The following KIF16B variants were observed in gnomAD, a reference collection of about 807,000 sequenced individuals.
KIF16B encodes kinesin-like protein KIF16B.
In KIF16B, 98 loss-of-function variants were observed where a neutral mutation model predicts 156.3. The ratio of observed to expected loss-of-function variants is 0.63; its 90% confidence interval spans 0.53 to 0.74. The LOEUF is 0.74. Ranked by LOEUF, KIF16B falls within the 30% of genes least tolerant of loss-of-function variation. KIF16B has a pLI of 0.00. For missense variants in KIF16B, 1,421 were observed against 1,606.5 expected (o/e 0.88, Z 1.97); for synonymous variants, 564 against 583.7 (o/e 0.97, Z 0.49).
chr20:16,435,172 T>C (rs962124294), intron 12 of KIF16B, among the ~76,000 whole-genome samples: 5 of 152,202 alleles, frequency 3.3e-5, no homozygotes, highest in Non-Finnish European at 1.5e-5. Context: ...ACAGTGCATA[T>C]ACATTTTTCA....
chr20:16,458,801 C>T (rs1255295608), intron 12 of KIF16B, among the ~76,000 whole-genome samples: 1 of 151,842 alleles, frequency 6.6e-6, no homozygotes, highest in African/African-American at 2.4e-5. Context: ...CACACCACTC[C>T]CCATTAGCCA....
chr20:16,532,098 C>T (rs1326021133), intron 1 of KIF16B, among the ~76,000 whole-genome samples: 4 of 149,976 alleles, frequency 2.7e-5, no homozygotes, highest in Admixed American at 6.6e-5. Flanking sequence ...TTATAACTTA[C>T]GTAGGGAAAT....
intron 25 of KIF16B, among the ~76,000 whole-genome samples, chr20:16,307,302 A>C (rs2063555116): frequency 1.3e-5 from 2 of 152,222 alleles, no homozygotes; most frequent in African/African-American, 4.8e-5. Flanking sequence ...TCTGAAATTA[A>C]TAACCCAAAA....
At chr20:16,341,645 C>T (rs1197238953) in intron 23 of KIF16B, among the ~76,000 whole-genome samples, 3 of 152,238 alleles carry the variant, frequency 2.0e-5, no homozygotes, top group Non-Finnish European at 4.4e-5. Flanking sequence ...TGGTTAGCAG[C>T]ATCAGCTGCA....
chr20:16,301,288 A>G (rs187119970), intron 25 of KIF16B, among the ~76,000 whole-genome samples: 1 of 152,234 alleles, frequency 6.6e-6, no homozygotes, highest in African/African-American at 2.4e-5. Context: ...GATTAACACT[A>G]CTATAAACAT....
chr20:16,418,510 G>A (rs1247703105), intron 15 of KIF16B, among the ~76,000 whole-genome samples: 2 of 152,148 alleles, frequency 1.3e-5, no homozygotes, highest in African/African-American at 2.4e-5. Context: ...TTTCACTGCT[G>A]ACTTCAACCA....
intron 25 of KIF16B, among the ~76,000 whole-genome samples, chr20:16,296,534 T>C (rs1279451617): frequency 6.6e-6 from 1 of 152,186 alleles, no homozygotes; most frequent in African/African-American, 2.4e-5. Context: ...GCTATTTCCA[T>C]AGACAGGAAA....
At chr20:16,418,171 G>GA (rs1207845397) in intron 15 of KIF16B, among the ~76,000 whole-genome samples, 2 of 151,558 alleles carry the variant, frequency 1.3e-5, no homozygotes, top group African/African-American at 2.4e-5. Flanking sequence ...TGTGATGAGT[G>GA]AAAAAAAGAG....
At position 16,314,792 on chromosome 20, in the gene KIF16B, C is replaced by T. The variant is rs117307966; in HGVS notation, c.3712-2374G>A. Reference sequence around the variant, plus strand: ...GGCCTCTCTGCATCCACTGGGAAGCCGTAGTGACATGGCTTCAAGGAGCAA... The same window carrying T: ...GGCCTCTCTGCATCCACTGGGAAGCTGTAGTGACATGGCTTCAAGGAGCAA... On this transcript the variant is annotated intron_variant, in intron 24 of 25. Transcript: ENST00000354981. Among the ~76,000 whole-genome samples, 1,483 of 152,236 alleles carry T rather than the reference C, an allele frequency of 9.7e-3. 5 individuals carry two copies. The highest frequency in any genetic ancestry group is 0.014 in the Non-Finnish European group (936 of 68,030).
chr20:16,361,487 C>T (rs1482486772), intron 22 of KIF16B, among the ~76,000 whole-genome samples: 3 of 152,168 alleles, frequency 2.0e-5, no homozygotes, highest in South Asian at 4.1e-4. Flanking sequence ...ACACTGTCTT[C>T]GAAGGCTTGG....
intron 1 of KIF16B, among the ~76,000 whole-genome samples, chr20:16,565,041 G>A (rs989566474): frequency 2.7e-5 from 4 of 145,966 alleles, no homozygotes; most frequent in Non-Finnish European, 5.9e-5. Flanking sequence ...CTGGCTGTCA[G>A]TAACCATAGT....
chr20:16,521,149 A>G (rs575198853), intron 3 of KIF16B, among the ~76,000 whole-genome samples: 6 of 152,200 alleles, frequency 3.9e-5, no homozygotes, highest in African/African-American at 1.4e-4. Flanking sequence ...CAAGGGAACA[A>G]AACTGGACAG....
chr20:16,285,776 C>T (rs1466170046), intron 25 of KIF16B, among the ~76,000 whole-genome samples: 1 of 152,150 alleles, frequency 6.6e-6, no homozygotes, highest in Non-Finnish European at 1.5e-5. Context: ...CATGATCATG[C>T]CACTGCACTC....
At chr20:16,407,170 T>C (rs545331463) in intron 15 of KIF16B, among the ~76,000 whole-genome samples, 2 of 152,290 alleles carry the variant, frequency 1.3e-5, no homozygotes, top group South Asian at 4.1e-4. Context: ...AAATTTCAGC[T>C]TGATGAAGCA....
At chr20:16,284,183 C>T (rs534151568) in intron 25 of KIF16B, among the ~76,000 whole-genome samples, 19 of 152,182 alleles carry the variant, frequency 1.2e-4, no homozygotes, top group Non-Finnish European at 2.5e-4. Context: ...GAACAGCTAG[C>T]TAATTACACA....
chr20:16,364,889 T>C (rs1035720461), intron 22 of KIF16B, among the ~76,000 whole-genome samples: 1 of 152,228 alleles, frequency 6.6e-6, no homozygotes, highest in African/African-American at 2.4e-5. Flanking sequence ...ATCTGCTGCA[T>C]GTTCCATCTC....
chr20:16,332,344 C>T (rs775129444), intron 24 of KIF16B, among the ~76,000 whole-genome samples: 14 of 152,104 alleles, frequency 9.2e-5, no homozygotes, highest in South Asian at 2.1e-4. Flanking sequence ...ACCTGGCCCA[C>T]GGTCAGCACC....
intron 1 of KIF16B, among the ~76,000 whole-genome samples, chr20:16,554,262 C>A (rs974126661): frequency 1.5e-4 from 23 of 152,184 alleles, no homozygotes; most frequent in African/African-American, 5.6e-4. Flanking sequence ...TATTTCCTCC[C>A]CTATGAGGCC....
chr20:16,445,467 G>A (rs979444967), intron 12 of KIF16B, among the ~76,000 whole-genome samples: 1 of 145,272 alleles, frequency 6.9e-6, no homozygotes, highest in African/African-American at 2.8e-5. Context: ...GTCATTCTAA[G>A]CAGGGACTTT....
Sources: gnomAD v4.1 joint callset for allele counts (sites outside exome capture counted in the v4.1 genomes callset) on GRCh38, gnomAD v4.1.1 for gene constraint, MANE v1.5 for transcripts, NCBI Gene and HGNC (gene_info 2026-07-23, HGNC 2026-07-21) for gene names.